HTT: variants seen among roughly 807,000 people sequenced by gnomAD.
HTT encodes the protein huntington disease protein.
Under a neutral mutation model 362.3 loss-of-function variants are expected in HTT, and 104 were observed. The ratio of observed to expected loss-of-function variants is 0.29; its 90% CI spans 0.24 to 0.34. The LOEUF is 0.34. HTT is among the 10% of genes least tolerant of loss of function. The pLI is 1.00. For synonymous variants in HTT, 1,577 were observed against 1,548.7 expected, an observed-to-expected ratio of 1.02 and a Z score of -0.43; for missense variants, 3,301 against 3,928.6, an observed-to-expected ratio of 0.84 and a Z score of 4.27.
chr4:3,126,687 A>G (rs924558873), intron 11 of HTT, among the ~76,000 whole-genome samples: 1 of 152,206 alleles, frequency 6.6e-6, no homozygotes, highest in Non-Finnish European at 1.5e-5. Flanking sequence ...CAACAGCTTC[A>G]TGTCGACCTT....
intron 60 of HTT, among the ~76,000 whole-genome samples, chr4:3,231,376 G>A (rs979177111): frequency 6.6e-6 from 1 of 151,908 alleles, no homozygotes; most frequent in Non-Finnish European, 1.5e-5. Flanking sequence ...TAACATTTGC[G>A]GAGCTCTTCC....
intron 41 of HTT, among the ~76,000 whole-genome samples, chr4:3,203,311 T>A (rs954579234): frequency 6.6e-6 from 1 of 152,236 alleles, no homozygotes; most frequent in Non-Finnish European, 1.5e-5. Flanking sequence ...TGATGTGACC[T>A]CTGTCCCCGT....
At chr4:3,102,115 G>A (rs1258756380) in intron 3 of HTT, among the ~76,000 whole-genome samples, 1 of 152,204 alleles carries the variant, frequency 6.6e-6, no homozygotes, top group East Asian at 1.9e-4. Context: ...CGGTGAGGAC[G>A]TGGGGTAGAG....
chr4:3,198,112 G>A (rs1436834294), intron 40 of HTT, among the ~76,000 whole-genome samples: 5 of 151,844 alleles, frequency 3.3e-5, no homozygotes, highest in Admixed American at 1.3e-4. Flanking sequence ...CTGTTAGCTC[G>A]CTTCCTTGGT....
intron 3 of HTT, among the ~76,000 whole-genome samples, chr4:3,102,659 A>C (rs963959825): frequency 9.9e-5 from 15 of 152,202 alleles, no homozygotes; most frequent in South Asian, 4.1e-4. Context: ...TCAACTGCCC[A>C]TGCCACGGTT....
chr4:3,121,569 C>T (rs1715297923), intron 9 of HTT, 137 bp downstream of exon 9: 1 of 627,714 alleles, frequency 1.6e-6, no homozygotes, highest in Non-Finnish European at 2.8e-6. Context: ...CAAATTTCAT[C>T]TTTATTTTAT....
In HTT at chr4:3,187,243, C is replaced by T. The variant is rs111499881; in HGVS notation, c.4990-408C>T. Among the ~76,000 whole-genome samples, 80 of 151,942 alleles carry T rather than the reference C, an allele frequency of 5.3e-4. 2 individuals carry two copies. Among genetic ancestry groups the T allele is most frequent in the African/African-American group, 1.9e-3 (77 of 41,422 alleles). On this transcript the variant is annotated intron_variant, in intron 38 of 66. Transcript: ENST00000355072. Reference sequence around the variant, plus strand: ...CTACCTCGACTCACTGCAACCTCCGCCTCCCGGGTTCAAGCAATTTTCCTG... The same window carrying T: ...CTACCTCGACTCACTGCAACCTCCGTCTCCCGGGTTCAAGCAATTTTCCTG...
At position 3,127,381 on chromosome 4, in the gene HTT, C is replaced by T. The variant is rs772695901; in HGVS notation, c.1520C>T (p.Ala507Val). 8.7e-6 allele frequency: 14 copies of T among 1,614,036 alleles called. No individual in the cohort carries two copies. The highest frequency in any genetic ancestry group is 4.0e-5 in the African/African-American group (3 of 74,922). ...CCACGGTCACAGCACACACTGCAGG[C>T]GGACTCAGTGGATCTGGCCAGCTGT... Reference protein sequence around the residue: ...EQPRSQHTLQADSVDLASCDL... With the variant: ...EQPRSQHTLQVDSVDLASCDL... Residue 507 changes from alanine to valine, a missense_variant, in exon 12 of 67, where the codon GCG becomes GTG. By Grantham distance (64) the Ala-to-Val change is moderately conservative. Coordinates refer to ENST00000355072, the MANE Select transcript of HTT (RefSeq NM_001388492.1).
chr4:3,112,948 G>A (rs1160740340), intron 6 of HTT: 1 of 681,590 alleles, frequency 1.5e-6, no homozygotes, highest in Non-Finnish European at 1.8e-6. Flanking sequence ...CCTGATGGGT[G>A]TTTTCTGGAA....
chr4:3,220,131 T>C (rs1279983297), intron 52 of HTT, 51 bp from the exon 53 acceptor site: 4 of 1,609,818 alleles, frequency 2.5e-6, no homozygotes, highest in African/African-American at 1.3e-5. Flanking sequence ...CCTCACAGTA[T>C]GTCTGTCCTG....
chr4:3,110,797 C>G (rs1714706150), intron 6 of HTT, among the ~76,000 whole-genome samples: 1 of 152,082 alleles, frequency 6.6e-6, no homozygotes, highest in Non-Finnish European at 1.5e-5. Flanking sequence ...ACTTAGTAGG[C>G]CTTTTAATTT....
At position 3,199,633 on chromosome 4, in the gene HTT, C is replaced by T. The variant is rs1235685715; in HGVS notation, c.5369-99C>T. ...GTTCTGAATACGTAAGTATGGGAGA[C>T]GACTCAGCCTGTTTCATTTTTATGT... On this transcript the variant is annotated intron_variant, in intron 40 of 66. Transcript: ENST00000355072. The T allele has an allele frequency of 1.1e-5, 11 of 1,031,780 alleles. No individual in the cohort carries two copies. The Admixed American group carries it at 1.1e-4, about 11-fold the overall frequency. 63.9% of individuals were successfully genotyped at this position (1,031,780 alleles called of 1,614,324 possible). A position where few individuals can be genotyped will look rare whatever the true frequency, so the allele number is the denominator to read the frequency against.
rs573638413 is a variant in HTT at position 3,206,536 on chromosome 4, T to C, written c.5759T>C (p.Ile1920Thr). 3.1e-6 allele frequency: 5 copies of C among 1,614,178 alleles called. No homozygotes were observed. The South Asian group carries it at 5.5e-5, about 18-fold the overall frequency. Residue 1920 changes from isoleucine (I) to threonine (T), a missense_variant, in exon 43 of 67, where the codon ATT (isoleucine) becomes ACT (threonine). By Grantham distance (89) the Ile-to-Thr change is moderately conservative (BLOSUM62 -1). This residue lies in a region of HTT where 2,316 missense variants were observed against 2,658.5 expected (regional missense o/e 0.87). Coordinates refer to ENST00000355072, the MANE Select transcript of HTT (RefSeq NM_001388492.1). The surrounding 1 kb of genome is among the most constrained non-coding windows in gnomAD (Gnocchi z 4.6). ...LHDSEHLTWL[I>T]VNHIQDLISL... is the part of the protein sequence containing the mutation. The stretch of plus-strand genomic sequence containing the variant: ...GACTCCGAGCACTTAACGTGGCTCA[T>C]TGTAAATCACATTCAAGATCTGATC...
chr4:3,226,079 G>A (rs140762692), intron 57 of HTT, among the ~76,000 whole-genome samples: 252 of 152,302 alleles, frequency 1.7e-3, no homozygotes, highest in African/African-American at 6.0e-3. Flanking sequence ...GGTGAGGACA[G>A]AGTGGAGTCA....
At chr4:3,105,502 A>C in intron 5 of HTT, 66 bp downstream of exon 5, 2 of 1,058,472 alleles carry the variant, frequency 1.9e-6, no homozygotes, top group Non-Finnish European at 3.0e-6. Context: ...TTTATGTCTC[A>C]GCTCAGATGT....
intron 49 of HTT, among the ~76,000 whole-genome samples, chr4:3,213,673 G>T (rs1720265555): frequency 6.6e-6 from 1 of 152,222 alleles, no homozygotes; most frequent in Non-Finnish European, 1.5e-5. Context: ...TGGCCTGGTG[G>T]CCACGTAGCC....
At chr4:3,079,405 A>C (rs1401361230) in intron 1 of HTT, among the ~76,000 whole-genome samples, 1 of 152,040 alleles carries the variant, frequency 6.6e-6, no homozygotes, top group African/African-American at 2.4e-5. Flanking sequence ...TATAGGTGTG[A>C]GCCATCACAC....
rs950324818 is a variant in HTT, at chr4:3,177,140, T to C, written c.4408-192T>C. On this transcript the variant is annotated intron_variant, in intron 33 of 66. Coordinates refer to ENST00000355072, the MANE Select transcript of HTT (RefSeq NM_001388492.1). Reference sequence around the variant, plus strand: ...GATTTCACCTCAGGGTATAGTAAAGTTGTTGAGGGGATTCCTGGATGTGTT... The same window carrying C: ...GATTTCACCTCAGGGTATAGTAAAGCTGTTGAGGGGATTCCTGGATGTGTT... Among the ~76,000 whole-genome samples the C allele has an allele frequency of 2.1e-4, 32 of 152,330 alleles. 1 individual carries two copies. The highest frequency in any genetic ancestry group is 3.4e-3 in the Middle Eastern group (1 of 294).
intron 25 of HTT, among the ~76,000 whole-genome samples, chr4:3,147,750 G>A (rs1716678083): frequency 1.3e-5 from 2 of 152,138 alleles, no homozygotes; most frequent in South Asian, 4.1e-4. Context: ...ACTGAACTTC[G>A]GTTGTGAAGA....
Sources: gnomAD v4.1 joint callset for allele counts (sites outside exome capture counted in the v4.1 genomes callset) on GRCh38, gnomAD v4.1.1 for gene constraint, gnomAD v4.1.1 regional missense constraint, Gnocchi (gnomAD v3.1) non-coding constraint, MANE v1.5 for transcripts, NCBI Gene and HGNC (gene_info 2026-07-23, HGNC 2026-07-21) for gene names.